MEGF11: variants seen among roughly 807,000 people sequenced by gnomAD.
MEGF11 encodes multiple EGF like domains 11, also known as multiple epidermal growth factor-like domains protein 11.
MEGF11 carries 126 observed loss-of-function variants against 146.6 expected under a neutral mutation model. The ratio of observed to expected loss-of-function variants is 0.86; its 90% CI spans 0.74 to 1.00. The LOEUF (loss-of-function observed/expected upper bound fraction) is 1.00. Among genes scored for constraint, MEGF11 ranks in the 50% least tolerant of loss-of-function variants. The pLI, the probability that MEGF11 is intolerant of heterozygous loss-of-function variation, is 0.00. For missense variants in MEGF11, 1,509 were observed against 1,521.2 expected (o/e 0.99, Z 0.13); for synonymous variants, 532 against 583.4 (o/e 0.91, Z 1.27).
At chr15:65,985,732 C>T (rs1350987711) in intron 5 of MEGF11, among the ~76,000 whole-genome samples, 1 of 151,970 alleles carries the variant, frequency 6.6e-6, no homozygotes, top group Non-Finnish European at 1.5e-5. Flanking sequence ...CCTGCTACTG[C>T]CAGAAAGCAC....
intron 5 of MEGF11, among the ~76,000 whole-genome samples, chr15:65,992,836 C>A (rs910548054): frequency 2.0e-5 from 3 of 152,152 alleles, no homozygotes; most frequent in African/African-American, 7.2e-5. Context: ...AGGAAGGAAC[C>A]AAGGGCAGGT....
At chr15:66,070,762 A>T (rs1303740877) in intron 5 of MEGF11, among the ~76,000 whole-genome samples, 2 of 152,150 alleles carry the variant, frequency 1.3e-5, no homozygotes, top group African/African-American at 4.8e-5. Context: ...ATAACTTGCA[A>T]GGCTGTCGAG....
chr15:66,191,325 G>A (rs907034302), intron 1 of MEGF11, among the ~76,000 whole-genome samples: 1 of 152,128 alleles, frequency 6.6e-6, no homozygotes, highest in Non-Finnish European at 1.5e-5. Flanking sequence ...AAAGGATTCG[G>A]CTTTTAAGGT....
chr15:66,230,689 G>A (rs1278505388), intron 1 of MEGF11, among the ~76,000 whole-genome samples: 6 of 152,202 alleles, frequency 3.9e-5, no homozygotes, highest in African/African-American at 1.4e-4. Flanking sequence ...AAACAAGATA[G>A]GCAAAATGCA....
intron 1 of MEGF11, among the ~76,000 whole-genome samples, chr15:66,133,071 C>T (rs562135086): frequency 2.2e-4 from 33 of 152,224 alleles, no homozygotes; most frequent in Non-Finnish European, 4.4e-4. Flanking sequence ...CGAGAGAGGA[C>T]ACCAAAGACC....
intron 5 of MEGF11, among the ~76,000 whole-genome samples, chr15:66,071,315 G>C (rs2085355777): frequency 6.6e-6 from 1 of 152,172 alleles, no homozygotes; most frequent in African/African-American, 2.4e-5. Flanking sequence ...CCCTCCAAGA[G>C]TCTCCACCGT....
intron 10 of MEGF11, among the ~76,000 whole-genome samples, chr15:65,955,221 C>T (rs991624289): frequency 3.3e-5 from 5 of 152,074 alleles, no homozygotes; most frequent in South Asian, 2.1e-4. Context: ...TTATTCTCTC[C>T]TACCCAAATT....
At position 65,982,871 on chromosome 15, in the gene MEGF11, C is replaced by G. The variant is rs186313344; in HGVS notation, c.395-383G>C. The stretch of plus-strand genomic sequence containing the variant: ...GTTGGCTGCCTGTTTCTGTTCCTTT[C>G]TGCCGGGCCCTTTCTTTTCCCATCT... On this transcript the variant is annotated intron_variant, in intron 5 of 25. Transcript: ENST00000395614. This position sits in a 1 kb window ranked among gnomAD's most constrained non-coding sequence, Gnocchi z 5.6. Among the ~76,000 whole-genome samples the G allele has an allele frequency of 1.3e-5, 2 of 152,142 alleles. No individual in the cohort carries two copies. Among genetic ancestry groups the G allele is most frequent in the Admixed American group, 6.5e-5 (1 of 15,280 alleles).
intron 1 of MEGF11, among the ~76,000 whole-genome samples, chr15:66,166,349 C>G (rs1462107901): frequency 6.6e-6 from 1 of 152,118 alleles, no homozygotes; most frequent in Non-Finnish European, 1.5e-5. Context: ...CGTCCAGAAT[C>G]CCATCACTGC....
chr15:65,935,990 C>A (rs887311641), intron 10 of MEGF11, among the ~76,000 whole-genome samples: 9 of 152,156 alleles, frequency 5.9e-5, no homozygotes, highest in African/African-American at 2.2e-4. Flanking sequence ...CCGGCATATC[C>A]CCTGGCCCAA....
chr15:66,212,061 G>A (rs1046081387), intron 1 of MEGF11, among the ~76,000 whole-genome samples: 4 of 1,036 alleles, frequency 3.9e-3, no homozygotes, highest in Admixed American at 0.028. Context: ...CAGGCAGGGG[G>A]AGACAGCCCA....
rs549883373 is a variant in MEGF11, at chr15:65,929,189, C to T, written c.1572+531G>A. Among the ~76,000 whole-genome samples the T allele has an allele frequency of 5.3e-5, 8 of 152,278 alleles. No individual in the cohort carries two copies. In the South Asian group the frequency reaches 1.5e-3, roughly 28 times the overall value. On this transcript the variant is annotated intron_variant, in intron 12 of 25. Transcript: ENST00000395614. ...GCTCATTAAGGACTGCATTGCTCAT[C>T]CAGCAATATCATATCAGTGGGTTTA...
chr15:66,172,361 G>A (rs1018446843), intron 1 of MEGF11, among the ~76,000 whole-genome samples: 2 of 152,156 alleles, frequency 1.3e-5, no homozygotes, highest in African/African-American at 2.4e-5. Flanking sequence ...TCACATTCAC[G>A]GCCCTGCCTG....
chr15:66,063,548 C>T (rs980234414), intron 5 of MEGF11, among the ~76,000 whole-genome samples: 4 of 152,344 alleles, frequency 2.6e-5, no homozygotes, highest in Admixed American at 2.6e-4. Context: ...CAGCCCCAAA[C>T]CATGCTGCAG....
chr15:66,190,544 G>T (rs1376925499), intron 1 of MEGF11, among the ~76,000 whole-genome samples: 2 of 152,162 alleles, frequency 1.3e-5, no homozygotes, highest in African/African-American at 2.4e-5. Context: ...ACCAAGCAAG[G>T]TCCCTGGTAG....
chr15:66,047,953 G>GT (rs112189578), intron 5 of MEGF11, among the ~76,000 whole-genome samples: 135,789 of 145,624 alleles, frequency 0.93, 63,530 homozygotes, highest in East Asian at 1. Flanking sequence ...TGGGAGGAGT[G>GT]TTTTTTTTTT....
intron 15 of MEGF11, 28 bp from the exon 16 acceptor site, chr15:65,918,122 A>G: frequency 6.2e-7 from 1 of 1,612,446 alleles, no homozygotes; most frequent in East Asian, 2.2e-5. Context: ...CCTGGCACCC[A>G]TCCTCCCACC....
intron 5 of MEGF11, among the ~76,000 whole-genome samples, chr15:65,990,725 AAGAAAG>A (rs974772674): frequency 3.9e-5 from 6 of 152,046 alleles, no homozygotes; most frequent in South Asian, 2.1e-4. Context: ...GAAAGAAAGA[AAGAAAG>A]AAAGAAAAAG....
chr15:66,064,792 G>A (rs1388001320), intron 5 of MEGF11, among the ~76,000 whole-genome samples: 3 of 152,034 alleles, frequency 2.0e-5, no homozygotes, highest in Admixed American at 6.6e-5. Flanking sequence ...GCCTCTCAAA[G>A]TGCTGGGATT....
Sources: gnomAD v4.1 joint callset for allele counts (sites outside exome capture counted in the v4.1 genomes callset) on GRCh38, gnomAD v4.1.1 for gene constraint, Gnocchi (gnomAD v3.1) non-coding constraint, MANE v1.5 for transcripts, NCBI Gene and HGNC (gene_info 2026-07-23, HGNC 2026-07-21) for gene names.